The following RPS6KC1 variants were observed in gnomAD, a reference collection of about 807,000 sequenced individuals.
The protein encoded by RPS6KC1 is inactive ribosomal protein S6 kinase delta-1.
A neutral mutation model predicts 103.8 loss-of-function variants in RPS6KC1; 54 were observed. The ratio of observed to expected loss-of-function variants is 0.52; its 90% CI spans 0.42 to 0.65. The LOEUF (loss-of-function observed/expected upper bound fraction) is 0.65, where lower values mean the gene tolerates loss of function less well. Ranked by LOEUF, RPS6KC1 falls within the 30% of genes least tolerant of loss-of-function variation. RPS6KC1 has a pLI of 0.00. For missense variants in RPS6KC1, 1,151 were observed against 1,253.8 expected, an observed-to-expected ratio of 0.92 and a Z score of 1.24; for synonymous variants, 439 against 438.7, an observed-to-expected ratio of 1.00 and a Z score of -0.01.
intron 8 of RPS6KC1, among the ~76,000 whole-genome samples, chr1:213,205,050 C>G (rs574750953): frequency 6.6e-6 from 1 of 152,208 alleles, no homozygotes; most frequent in South Asian, 2.1e-4. Context: ...GAGCATTGTA[C>G]TACTCCCAGG....
At chr1:213,379,696 C>T in the RPS6KC1 span, among the ~76,000 whole-genome samples, 1 of 152,198 alleles carries the variant, frequency 6.6e-6, no homozygotes, top group Non-Finnish European at 1.5e-5. Context: ...TTCCTGGTGC[C>T]TTCCTCCAAG....
At chr1:213,483,754 G>C in the RPS6KC1 span, among the ~76,000 whole-genome samples, 1 of 152,214 alleles carries the variant, frequency 6.6e-6, no homozygotes, top group African/African-American at 2.4e-5. Flanking sequence ...AGCATAAAGA[G>C]TGACTCCTGA....
chr1:213,142,150 T>C (rs1442968579), intron 6 of RPS6KC1, among the ~76,000 whole-genome samples: 1 of 152,088 alleles, frequency 6.6e-6, no homozygotes, highest in Non-Finnish European at 1.5e-5. Flanking sequence ...TTTTTGATCA[T>C]TGTTGATTTA....
chr1:213,326,314 T>G, the RPS6KC1 span, among the ~76,000 whole-genome samples: 1 of 152,296 alleles, frequency 6.6e-6, no homozygotes, highest in South Asian at 2.1e-4. Flanking sequence ...AAACAGCACT[T>G]TTTTCTACAT....
chr1:213,146,462 G>T (rs1448587758), intron 6 of RPS6KC1, among the ~76,000 whole-genome samples: 1 of 147,100 alleles, frequency 6.8e-6, no homozygotes, highest in Non-Finnish European at 1.5e-5. Flanking sequence ...TTGCTTTGTC[G>T]CCCAGGCAGG....
intron 8 of RPS6KC1, among the ~76,000 whole-genome samples, chr1:213,223,427 A>G (rs756699655): frequency 7.2e-5 from 11 of 152,122 alleles, no homozygotes; most frequent in Non-Finnish European, 1.2e-4. Context: ...GCATCCTCAT[A>G]GCTTAGCTCC....
chr1:213,310,774 G>C, the RPS6KC1 span, among the ~76,000 whole-genome samples: 1 of 152,180 alleles, frequency 6.6e-6, no homozygotes, highest in Non-Finnish European at 1.5e-5. Flanking sequence ...AATAAATTTT[G>C]TTATGTATAT....
At chr1:213,509,144 G>T in the RPS6KC1 span, among the ~76,000 whole-genome samples, 9 of 152,176 alleles carry the variant, frequency 5.9e-5, no homozygotes, top group Non-Finnish European at 1.0e-4. Flanking sequence ...TAATAATTAT[G>T]CTGGGACATC....
the RPS6KC1 span, among the ~76,000 whole-genome samples, chr1:213,612,735 G>T: frequency 6.6e-6 from 1 of 152,264 alleles, no homozygotes; most frequent in South Asian, 2.1e-4. Context: ...TTTACCCTGA[G>T]ACTTCATATT....
the RPS6KC1 span, chr1:213,841,193 G>A: frequency 6.6e-6 from 1 of 151,978 alleles, no homozygotes; most frequent in Non-Finnish European, 1.5e-5. Context: ...CATGAACTAC[G>A]GATGATTGCA....
the RPS6KC1 span, among the ~76,000 whole-genome samples, chr1:213,283,372 A>G: frequency 2.7e-4 from 41 of 152,230 alleles, no homozygotes; most frequent in African/African-American, 9.4e-4. Flanking sequence ...AAATTCGTAG[A>G]CAACATTTGC....
chr1:213,445,806 T>C, the RPS6KC1 span, among the ~76,000 whole-genome samples: 2 of 152,190 alleles, frequency 1.3e-5, no homozygotes, highest in African/African-American at 4.8e-5. Flanking sequence ...GACTGCTAAG[T>C]GGCCGGTTTC....
chr1:213,173,805 C>T (rs1332496197), intron 7 of RPS6KC1, among the ~76,000 whole-genome samples: 2 of 152,156 alleles, frequency 1.3e-5, no homozygotes, highest in Non-Finnish European at 2.9e-5. Flanking sequence ...ATTTATAGCC[C>T]TTTCAGTTAT....
the RPS6KC1 span, among the ~76,000 whole-genome samples, chr1:213,462,340 G>A: frequency 6.6e-6 from 1 of 152,330 alleles, no homozygotes; most frequent in Non-Finnish European, 1.5e-5. Flanking sequence ...CATTGTGGAA[G>A]ACAGTGTGGC....
chr1:213,425,125 A>G, the RPS6KC1 span, among the ~76,000 whole-genome samples: 28 of 152,154 alleles, frequency 1.8e-4, 1 homozygote, highest in Admixed American at 1.6e-3. Context: ...TACCTACACA[A>G]TCTCTCAGTT....
the RPS6KC1 span, among the ~76,000 whole-genome samples, chr1:213,608,336 C>A: frequency 2.0e-5 from 3 of 152,170 alleles, no homozygotes; most frequent in South Asian, 4.1e-4. Context: ...TTTAAAAGCA[C>A]CCGTGTTGCT....
chr1:213,414,394 C>T, the RPS6KC1 span, among the ~76,000 whole-genome samples: 2 of 152,164 alleles, frequency 1.3e-5, no homozygotes, highest in African/African-American at 4.8e-5. Flanking sequence ...TGAGAACATA[C>T]TAGGTTGGAG....
At chr1:213,460,606 A>G in the RPS6KC1 span, among the ~76,000 whole-genome samples, 1 of 152,082 alleles carries the variant, frequency 6.6e-6, no homozygotes, top group Admixed American at 6.5e-5. Context: ...TAATATTGTT[A>G]TGTGTGAATT....
intron 4 of RPS6KC1, among the ~76,000 whole-genome samples, chr1:213,113,119 A>T (rs897436297): frequency 6.6e-6 from 1 of 152,150 alleles, no homozygotes; most frequent in African/African-American, 2.4e-5. Flanking sequence ...CTAGTTCTAG[A>T]TCCCTGAGGA....
Sources: gnomAD v4.1 joint callset for allele counts (sites outside exome capture counted in the v4.1 genomes callset) on GRCh38, gnomAD v4.1.1 for gene constraint, MANE v1.5 for transcripts, NCBI Gene and HGNC (gene_info 2026-07-23, HGNC 2026-07-21) for gene names.